PACRG: variants seen among roughly 807,000 people sequenced by gnomAD.
PACRG encodes the protein parkin coregulated gene protein.
PACRG carries 29 observed loss-of-function variants against 29.7 expected under a neutral mutation model. The observed-to-expected ratio is 0.98, with a 90% CI of 0.73 to 1.33. The LOEUF (loss-of-function observed/expected upper bound fraction) is 1.33, where lower values mean the gene tolerates loss of function less well. Among genes scored for constraint, PACRG ranks in the 40% most tolerant of loss-of-function variants. The pLI is 0.00. For missense variants in PACRG, 279 were observed against 316.2 expected, an observed-to-expected ratio of 0.88 and a Z score of 0.89; for synonymous variants, 116 against 118.7, an observed-to-expected ratio of 0.98 and a Z score of 0.15.
At chr6:163,295,366 T>C (rs997285295) in intron 4 of PACRG, among the ~76,000 whole-genome samples, 1 of 152,212 alleles carries the variant, frequency 6.6e-6, no homozygotes, top group Admixed American at 6.5e-5. Flanking sequence ...TCTGTGTTAA[T>C]TGGCTTGGCC....
At chr6:163,135,938 A>G (rs545965203) in intron 4 of PACRG, among the ~76,000 whole-genome samples, 2 of 152,136 alleles carry the variant, frequency 1.3e-5, no homozygotes, top group Admixed American at 6.5e-5. Flanking sequence ...AAAATTGCCT[A>G]TTTCAATGCT....
Position 162,818,036 on chromosome 6 carries a change from T to C in PACRG, c.291+3755T>C, listed in dbSNP as rs185141036. ...TAGCTTTTTTTTTAATTTTTAAATA[T>C]GCATTTTCTAAATATCACTAAAGAA... is the stretch of plus-strand genomic sequence containing the variant. On this transcript the variant is annotated intron_variant, in intron 2 of 4. Transcript: ENST00000366888. 8.4e-4 allele frequency among the ~76,000 whole-genome samples: 127 copies of C among 150,988 alleles called. No homozygotes were observed. The East Asian group carries it at 0.011, about 14-fold the overall frequency.
intron 2 of PACRG, among the ~76,000 whole-genome samples, chr6:162,958,332 A>G (rs1184624863): frequency 6.6e-6 from 1 of 152,208 alleles, no homozygotes; most frequent in Non-Finnish European, 1.5e-5. Context: ...CATTTTTAAA[A>G]TAGCTCAGAT....
intron 4 of PACRG, among the ~76,000 whole-genome samples, chr6:163,116,394 A>G (rs1353301367): frequency 6.6e-6 from 1 of 152,150 alleles, no homozygotes; most frequent in Non-Finnish European, 1.5e-5. Context: ...CCCCACCTCC[A>G]ACACTGGGGA....
intron 2 of PACRG, among the ~76,000 whole-genome samples, chr6:162,915,052 A>G (rs758662314): frequency 2.9e-4 from 44 of 151,960 alleles, no homozygotes; most frequent in Non-Finnish European, 5.6e-4. Context: ...AAAATGTTTA[A>G]TAGACTTGAT....
intron 1 of PACRG, among the ~76,000 whole-genome samples, chr6:162,798,832 T>C (rs1017001402): frequency 2.0e-5 from 3 of 151,884 alleles, no homozygotes; most frequent in South Asian, 4.2e-4. Context: ...CTGAGTCAGA[T>C]TGTGTGTGTG....
intron 4 of PACRG, among the ~76,000 whole-genome samples, chr6:163,236,257 C>T (rs1562331441): frequency 6.6e-6 from 1 of 152,094 alleles, no homozygotes. Flanking sequence ...GGTAGGTTTC[C>T]TAAACAACCC....
intron 4 of PACRG, among the ~76,000 whole-genome samples, chr6:163,308,588 C>A (rs1785279386): frequency 6.6e-6 from 1 of 151,358 alleles, no homozygotes; most frequent in Admixed American, 6.6e-5. Flanking sequence ...ATCGTTTGAA[C>A]CTGGGAGGCA....
intron 2 of PACRG, among the ~76,000 whole-genome samples, chr6:162,870,212 C>T (rs1792683041): frequency 6.6e-6 from 1 of 152,208 alleles, no homozygotes; most frequent in Non-Finnish European, 1.5e-5. Context: ...GCAGGGAATG[C>T]ATACAAAGCA....
chr6:162,800,027 G>A (rs996073603), intron 1 of PACRG, among the ~76,000 whole-genome samples: 4 of 152,154 alleles, frequency 2.6e-5, no homozygotes, highest in African/African-American at 9.7e-5. Flanking sequence ...GTGTGACAGT[G>A]TATTAGCTAA....
intron 2 of PACRG, chr6:163,042,900 C>T (rs1481940073): frequency 1.2e-5 from 1 of 80,902 alleles, no homozygotes; most frequent in Non-Finnish European, 2.7e-5. Flanking sequence ...ACAGTCATTG[C>T]ATAAACATGG....
At chr6:162,852,005 G>GGAAGGAAGGAAAGGA (rs1562663902) in intron 2 of PACRG, among the ~76,000 whole-genome samples, 1 of 116,030 alleles carries the variant, frequency 8.6e-6, no homozygotes, top group African/African-American at 3.4e-5. Flanking sequence ...GGGAGGGAGG[G>GGAAGGAAGGAAAGGA]AGGAAGGAAG....
chr6:162,956,854 A>G (rs772598377), intron 2 of PACRG, among the ~76,000 whole-genome samples: 9 of 152,164 alleles, frequency 5.9e-5, no homozygotes, highest in Non-Finnish European at 1.0e-4. Flanking sequence ...TAAGAGTTCA[A>G]CTTGGCTTTT....
intron 1 of PACRG, among the ~76,000 whole-genome samples, chr6:162,811,316 C>T (rs1786846119): frequency 6.6e-6 from 1 of 152,070 alleles, no homozygotes; most frequent in South Asian, 2.1e-4. Flanking sequence ...TCTTGAGAGA[C>T]CCTCCAGACA....
chr6:163,128,357 G>A (rs1016616993), intron 4 of PACRG, among the ~76,000 whole-genome samples: 2 of 152,098 alleles, frequency 1.3e-5, no homozygotes, highest in East Asian at 1.9e-4. Context: ...ATTAGGAAAC[G>A]AAATACAAAT....
At chr6:163,082,447 A>G (rs1015907612) in intron 3 of PACRG, among the ~76,000 whole-genome samples, 1 of 152,218 alleles carries the variant, frequency 6.6e-6, no homozygotes, top group Non-Finnish European at 1.5e-5. Context: ...AATGAGAAAT[A>G]GATTGAATTC....
intron 2 of PACRG, among the ~76,000 whole-genome samples, chr6:162,909,931 C>T (rs1437452191): frequency 6.6e-6 from 1 of 152,156 alleles, no homozygotes; most frequent in Non-Finnish European, 1.5e-5. Context: ...TTCCTCTTTG[C>T]TCTCTGCAAA....
At chr6:163,132,667 G>T (rs1816785788) in intron 4 of PACRG, among the ~76,000 whole-genome samples, 1 of 152,160 alleles carries the variant, frequency 6.6e-6, no homozygotes, top group South Asian at 2.1e-4. Context: ...ACCCACTTCT[G>T]TACCTCCTCA....
At chr6:162,910,858 G>A (rs1342895048) in intron 2 of PACRG, among the ~76,000 whole-genome samples, 1 of 152,114 alleles carries the variant, frequency 6.6e-6, no homozygotes, top group Non-Finnish European at 1.5e-5. Flanking sequence ...TAGAAAGGAG[G>A]AAAAATGAAT....
Sources: allele counts gnomAD v4.1 joint callset (sites outside exome capture counted in the v4.1 genomes callset), GRCh38; gene constraint gnomAD v4.1.1; transcripts MANE v1.5; gene names NCBI Gene and HGNC (gene_info 2026-07-23, HGNC 2026-07-21).